The following LPCAT1 variants were observed in gnomAD, a reference collection of about 807,000 sequenced individuals.
LPCAT1 encodes the protein lysophosphatidylcholine acyltransferase 1.
A neutral mutation model predicts 60.9 loss-of-function variants in LPCAT1; 23 were observed. The observed-to-expected ratio is 0.38, with a 90% CI of 0.27 to 0.53. The LOEUF is 0.53. LPCAT1 is among the 20% of genes least tolerant of loss of function. The pLI is 0.82. For missense variants in LPCAT1, 622 were observed against 723.6 expected (o/e 0.86, Z 1.61); for synonymous variants, 340 against 301.1 (o/e 1.13, Z -1.34).
chr5:1,492,020 G>A (rs1262679005), intron 3 of LPCAT1, among the ~76,000 whole-genome samples: 1 of 152,078 alleles, frequency 6.6e-6, no homozygotes, highest in Non-Finnish European at 1.5e-5. Flanking sequence ...CTGGGACCAG[G>A]GGAGATGTCT....
chr5:1,486,638 C>T (rs569764205), intron 5 of LPCAT1, among the ~76,000 whole-genome samples: 3 of 152,268 alleles, frequency 2.0e-5, no homozygotes, highest in African/African-American at 4.8e-5. Context: ...GAGACGCTCA[C>T]GGCTCTGGAG....
chr5:1,489,691 G>A (rs1464072963), intron 4 of LPCAT1, 55 bp downstream of exon 4: 1 of 1,310,206 alleles, frequency 7.6e-7, no homozygotes, highest in African/African-American at 1.5e-5. Context: ...CACTCGCGAA[G>A]TTCGCATCTT....
At position 1,462,772 on chromosome 5, in the gene LPCAT1, G is replaced by A. The variant is rs919339603; in HGVS notation, c.*879C>T. The A allele has an allele frequency of 1.3e-5, 2 of 152,222 alleles. No homozygotes were observed. The highest frequency in any genetic ancestry group is 2.9e-5 in the Non-Finnish European group (2 of 68,042). The allele number at this position is 152,222 out of a possible 1,614,324, so 9.4% of individuals were successfully genotyped here. On this transcript the variant is annotated 3_prime_UTR_variant, in exon 14 of 14. Coordinates refer to ENST00000283415, the MANE Select transcript of LPCAT1 (RefSeq NM_024830.5). The stretch of plus-strand genomic sequence containing the variant: ...TTGAACAATATCCAACCTCGGACTG[G>A]AGTTTAGGCTACAGTGAAATGGATT...
chr5:1,464,667 GCACA>G (rs1276905902), intron 13 of LPCAT1, among the ~76,000 whole-genome samples: 1 of 111,324 alleles, frequency 9.0e-6, no homozygotes, highest in African/African-American at 3.6e-5. Context: ...ACAAAAGCAC[GCACA>G]CACACGGTAA....
chr5:1,466,450 C>G lies in LPCAT1; in HGVS notation c.1420+299G>C, dbSNP rs1222297597. Among the ~76,000 whole-genome samples, 4 of 152,332 alleles carry G rather than the reference C, an allele frequency of 2.6e-5. No homozygotes were observed. In the East Asian group the frequency reaches 7.7e-4, roughly 29 times the overall value. On this transcript the variant is annotated intron_variant, in intron 13 of 13. Coordinates refer to ENST00000283415, the MANE Select transcript of LPCAT1 (RefSeq NM_024830.5). Reference sequence around the variant, plus strand: ...CTCGAGGGCTGGGTGCGGGTATCCCCCACCTCCAGGCACCTGAATCCCAGC... The same window carrying G: ...CTCGAGGGCTGGGTGCGGGTATCCCGCACCTCCAGGCACCTGAATCCCAGC...
intron 1 of LPCAT1, among the ~76,000 whole-genome samples, chr5:1,507,989 A>G (rs1225260995): frequency 6.6e-6 from 1 of 152,224 alleles, no homozygotes; most frequent in East Asian, 1.9e-4. Context: ...CACGCACCAG[A>G]GGCCCGAGGG....
At chr5:1,467,516 T>C (rs2937658) in intron 12 of LPCAT1, among the ~76,000 whole-genome samples, 4,714 of 151,990 alleles carry the variant, frequency 0.031, 261 homozygotes, top group African/African-American at 0.11. Flanking sequence ...CGGCCCTCTC[T>C]GTGCAGGGCC....
At chr5:1,518,587 G>A (rs1057200481) in intron 1 of LPCAT1, among the ~76,000 whole-genome samples, 2 of 152,184 alleles carry the variant, frequency 1.3e-5, no homozygotes, top group African/African-American at 2.4e-5. Flanking sequence ...TGATCCGCCC[G>A]CCTCGGCCTC....
In LPCAT1 at chr5:1,477,193, C is replaced by T. The variant is rs1039008640; in HGVS notation, c.899+211G>A. 1.3e-4 allele frequency among the ~76,000 whole-genome samples: 20 copies of T among 152,186 alleles called. No individual in the cohort carries two copies. Among genetic ancestry groups the T allele is most frequent in the African/African-American group, 4.8e-4 (20 of 41,442 alleles). On this transcript the variant is annotated intron_variant, in intron 9 of 13. Coordinates refer to ENST00000283415, the MANE Select transcript of LPCAT1 (RefSeq NM_024830.5). This position sits in a 1 kb window ranked among gnomAD's most constrained non-coding sequence, Gnocchi z 6.0. ...TCTGGAAGAACCAGTCATGCATCTT[C>T]CCAACGTCAAAGAGGGTGAAATGCC...
chr5:1,512,291 G>A (rs1465260416), intron 1 of LPCAT1, among the ~76,000 whole-genome samples: 1 of 152,208 alleles, frequency 6.6e-6, no homozygotes, highest in African/African-American at 2.4e-5. Flanking sequence ...GAGCCGCTGG[G>A]CCGGCCACAC....
At position 1,477,135 on chromosome 5, in the gene LPCAT1, T is replaced by A. The variant is rs527484749; in HGVS notation, c.899+269A>T. ...TGGCTCATTTAGGGCACAGGAAACA[T>A]AGGACCTGGGGTGACCAACGGCTGC... On this transcript the variant is annotated intron_variant, in intron 9 of 13. Transcript: ENST00000283415. This position sits in a 1 kb window ranked among gnomAD's most constrained non-coding sequence, Gnocchi z 6.0. 6.6e-6 allele frequency among the ~76,000 whole-genome samples: 1 copy of A among 152,238 alleles called. No homozygotes were observed. The highest frequency in any genetic ancestry group is 2.4e-5 in the African/African-American group (1 of 41,550).
In LPCAT1 at chr5:1,483,993, C is replaced by A. The variant is rs1247371514; in HGVS notation, c.668-507G>T. 1.3e-5 allele frequency among the ~76,000 whole-genome samples: 2 copies of A among 152,272 alleles called. No individual in the cohort carries two copies. Among genetic ancestry groups the A allele is most frequent in the Admixed American group, 6.5e-5 (1 of 15,288 alleles). ...GGGGTCCTCATCACCGGCCAATGCT[C>A]ACCCACCTGACGGGGTTAGGGTCTG... On this transcript the variant is annotated intron_variant, in intron 5 of 13. Transcript: ENST00000283415. This position sits in a 1 kb window ranked among gnomAD's most constrained non-coding sequence, Gnocchi z 9.2.
rs572112322 is a variant in LPCAT1 at position 1,477,508 on chromosome 5, G to A, written c.817-22C>T. The A allele has an allele frequency of 6.8e-5, 108 of 1,581,848 alleles. No individual in the cohort carries two copies. Among genetic ancestry groups the A allele is most frequent in the Middle Eastern group, 1.7e-4 (1 of 5,982 alleles). ...GGAACTGAGCACACAGAGAAGCTGC[G>A]TTAGTATCACAAGACGCTGACCTCA... On this transcript the variant is annotated intron_variant, in intron 8 of 13. Transcript: ENST00000283415. This position sits in a 1 kb window ranked among gnomAD's most constrained non-coding sequence, Gnocchi z 6.0.
chr5:1,521,229 T>G lies in LPCAT1; in HGVS notation c.135+2481A>C. 1 of 579,486 alleles carries G rather than the reference T, an allele frequency of 1.7e-6. No individual in the cohort carries two copies. Among genetic ancestry groups the G allele is most frequent in the Non-Finnish European group, 2.2e-6 (1 of 459,224 alleles). 35.9% of individuals were successfully genotyped at this position (579,486 alleles called of 1,614,324 possible). ...ATACTTAAGCTCCTCACTAAATCTGTAGTTAAATGACAGATGGGCTGGCTG... is the reference window on the plus strand; with the variant it reads ...ATACTTAAGCTCCTCACTAAATCTGGAGTTAAATGACAGATGGGCTGGCTG... On this transcript the variant is annotated intron_variant, in intron 1 of 13. Transcript: ENST00000283415. This position sits in a 1 kb window ranked among gnomAD's most constrained non-coding sequence, Gnocchi z 4.3.
intron 1 of LPCAT1, among the ~76,000 whole-genome samples, chr5:1,505,565 AG>A (rs1240057669): frequency 1.7e-4 from 2 of 11,702 alleles, no homozygotes; most frequent in African/African-American, 4.1e-3. Context: ...CATGCCGGGT[AG>A]GGTAGTCAGG....
chr5:1,470,994 T>G (rs27054), intron 11 of LPCAT1, 70 bp from the exon 12 acceptor site: 9 of 1,308,498 alleles, frequency 6.9e-6, no homozygotes, highest in Non-Finnish European at 9.8e-6. Context: ...GGGTTTCCCA[T>G]GGGTGCTGGT....
chr5:1,473,818 G>C (rs909327062), intron 11 of LPCAT1, 139 bp downstream of exon 11: 1 of 942,996 alleles, frequency 1.1e-6, no homozygotes, highest in African/African-American at 1.7e-5. Flanking sequence ...AAAATGATAG[G>C]GTGGGGTGGT....
At position 1,480,247 on chromosome 5, in the gene LPCAT1, G is replaced by C; in HGVS notation, c.762-572C>G. 3 of 624,948 alleles carry C rather than the reference G, an allele frequency of 4.8e-6. No homozygotes were observed. Among genetic ancestry groups the C allele is most frequent in the Non-Finnish European group, 5.9e-6 (3 of 506,396 alleles). The allele number at this position is 624,948 out of a possible 1,614,324, so 38.7% of individuals were successfully genotyped here. On this transcript the variant is annotated intron_variant, in intron 7 of 13. Coordinates refer to ENST00000283415, the MANE Select transcript of LPCAT1 (RefSeq NM_024830.5). This position sits in a 1 kb window ranked among gnomAD's most constrained non-coding sequence, Gnocchi z 6.4. ...CTATACCCCCCAGAGCCCCCTCCCA[G>C]CTCTGCTCCCAGCTGGGAGCCTCCA...
chr5:1,518,848 C>T (rs755239990), intron 1 of LPCAT1, among the ~76,000 whole-genome samples: 7 of 152,204 alleles, frequency 4.6e-5, no homozygotes, highest in East Asian at 3.8e-4. Flanking sequence ...TTTAGAGTTC[C>T]GGAGCCACGA....
Sources: allele counts gnomAD v4.1 joint callset (sites outside exome capture counted in the v4.1 genomes callset), GRCh38; gene constraint gnomAD v4.1.1; non-coding constraint Gnocchi (gnomAD v3.1); transcripts MANE v1.5; gene names NCBI Gene and HGNC (gene_info 2026-07-23, HGNC 2026-07-21).